Variants in LMBR1 observed in about 807,000 individuals in gnomAD.
LMBR1 encodes the protein limb development membrane protein 1.
A neutral mutation model predicts 73.9 loss-of-function variants in LMBR1; 52 were observed. The ratio of observed to expected loss-of-function variants is 0.70; its 90% CI spans 0.56 to 0.89. The LOEUF is 0.89. Among genes scored for constraint, LMBR1 ranks in the 40% least tolerant of loss-of-function variants. LMBR1 has a pLI of 0.00. For synonymous variants in LMBR1, 215 were observed against 209.4 expected (o/e 1.03, Z -0.23); for missense variants, 539 against 579.8 (o/e 0.93, Z 0.72).
At chr7:156,698,697 A>G (rs1434187582) in intron 15 of LMBR1, among the ~76,000 whole-genome samples, 1 of 152,048 alleles carries the variant, frequency 6.6e-6, no homozygotes, top group Non-Finnish European at 1.5e-5. Context: ...CAGCAGAGGG[A>G]CCCTGGGTCC....
chr7:156,684,060 A>G lies in LMBR1; in HGVS notation c.*18T>C, dbSNP rs779726746. 1 of 1,601,694 alleles carries G rather than the reference A, an allele frequency of 6.2e-7. No homozygotes were observed. The highest frequency in any genetic ancestry group is 8.6e-7 in the Non-Finnish European group (1 of 1,169,556). ...AGTTCTCGGGTCTCTTGGTGGCAGA[A>G]GACGCCGTCTGTGCGTCTCACAGTG... On this transcript the variant is annotated 3_prime_UTR_variant, in exon 17 of 17. Transcript: ENST00000353442.
At chr7:156,714,559 A>C (rs1406099737) in intron 15 of LMBR1, among the ~76,000 whole-genome samples, 3 of 152,206 alleles carry the variant, frequency 2.0e-5, no homozygotes, top group East Asian at 3.8e-4. Flanking sequence ...CGTATGTGTT[A>C]CCTTAAGGAA....
intron 1 of LMBR1, among the ~76,000 whole-genome samples, chr7:156,866,193 T>C (rs1304532009): frequency 6.6e-6 from 1 of 152,176 alleles, no homozygotes; most frequent in Admixed American, 6.5e-5. Context: ...AGGGGTCTTA[T>C]GTCTAGATTA....
At chr7:156,769,549 T>C (rs10255029) in intron 5 of LMBR1, among the ~76,000 whole-genome samples, 16,162 of 152,224 alleles carry the variant, frequency 0.11, 910 homozygotes, top group East Asian at 0.15. Context: ...TCCAATCTCA[T>C]TGCCAAAACT....
chr7:156,859,433 A>T (rs1797429540), intron 1 of LMBR1, among the ~76,000 whole-genome samples: 1 of 152,212 alleles, frequency 6.6e-6, no homozygotes, highest in African/African-American at 2.4e-5. Flanking sequence ...CTCTGATGAC[A>T]TGATTGTTTA....
intron 4 of LMBR1, among the ~76,000 whole-genome samples, chr7:156,805,859 C>T (rs1423333459): frequency 6.6e-6 from 1 of 152,130 alleles, no homozygotes; most frequent in African/African-American, 2.4e-5. Flanking sequence ...AGAGGGCAAT[C>T]CTCATGATGG....
intron 3 of LMBR1, among the ~76,000 whole-genome samples, chr7:156,833,175 T>C (rs763975109): frequency 6.6e-6 from 1 of 152,234 alleles, no homozygotes; most frequent in Non-Finnish European, 1.5e-5. Context: ...AGAATTTTAA[T>C]GTATCAATAA....
chr7:156,883,895 A>G (rs894356768), intron 1 of LMBR1, among the ~76,000 whole-genome samples: 1 of 152,134 alleles, frequency 6.6e-6, no homozygotes, highest in Admixed American at 6.6e-5. Context: ...ACATACTCAC[A>G]TCTGCAAAAT....
chr7:156,716,783 G>C lies in LMBR1; in HGVS notation c.1225+7329C>G, dbSNP rs569759173. 2.6e-5 allele frequency among the ~76,000 whole-genome samples: 4 copies of C among 152,256 alleles called. No homozygotes were observed. The East Asian group carries it at 7.7e-4, about 29-fold the overall frequency. The stretch of plus-strand genomic sequence containing the variant: ...GCTCTCTGCTTTTTATGCTATACAA[G>C]TCTGACTCTTCTCACTTTTAAAAAG... On this transcript the variant is annotated intron_variant, in intron 15 of 16. Coordinates refer to ENST00000353442, the MANE Select transcript of LMBR1 (RefSeq NM_022458.4).
intron 16 of LMBR1, among the ~76,000 whole-genome samples, chr7:156,687,588 G>T (rs1189622693): frequency 6.6e-6 from 1 of 152,020 alleles, no homozygotes; most frequent in African/African-American, 2.4e-5. Flanking sequence ...TTTATTCTCT[G>T]GCTTAATGAA....
At chr7:156,735,842 A>C (rs564750912) in intron 9 of LMBR1, among the ~76,000 whole-genome samples, 34 of 152,060 alleles carry the variant, frequency 2.2e-4, no homozygotes, top group Non-Finnish European at 2.9e-5. Flanking sequence ...TCTCTTATCC[A>C]GCTGAATCTT....
chr7:156,726,303 C>T (rs146578408), intron 12 of LMBR1, among the ~76,000 whole-genome samples: 3 of 152,182 alleles, frequency 2.0e-5, no homozygotes, highest in Admixed American at 2.0e-4. Flanking sequence ...ATGTGCATAT[C>T]CTGTTCCCAT....
At chr7:156,844,318 C>T (rs1229259704) in intron 1 of LMBR1, among the ~76,000 whole-genome samples, 3 of 151,778 alleles carry the variant, frequency 2.0e-5, no homozygotes, top group South Asian at 2.1e-4. Flanking sequence ...AACAAGACTC[C>T]GTCTCACACA....
At chr7:156,874,472 G>T (rs886264239) in intron 1 of LMBR1, among the ~76,000 whole-genome samples, 1 of 152,214 alleles carries the variant, frequency 6.6e-6, no homozygotes, top group African/African-American at 2.4e-5. Context: ...GGGGCCGAAG[G>T]GCTCCTCAAA....
chr7:156,846,941 A>G (rs889433606), intron 1 of LMBR1, among the ~76,000 whole-genome samples: 1 of 152,182 alleles, frequency 6.6e-6, no homozygotes, highest in African/African-American at 2.4e-5. Flanking sequence ...GAAACATCAC[A>G]CTATACCCCA....
At position 156,750,445 on chromosome 7, in the gene LMBR1, A is replaced by G. The variant is rs560434191; in HGVS notation, c.757+5948T>C. Among the ~76,000 whole-genome samples the G allele has an allele frequency of 4.6e-5, 7 of 152,258 alleles. No individual in the cohort carries two copies. In the South Asian group the frequency reaches 1.0e-3, roughly 23 times the overall value. On this transcript the variant is annotated intron_variant, in intron 9 of 16. Coordinates refer to ENST00000353442, the MANE Select transcript of LMBR1 (RefSeq NM_022458.4). ...TCTTGATTACTCATATTCCATGGCC[A>G]TAACAGTAAGGGGAAAACTGCCTTA...
chr7:156,881,419 G>A lies in LMBR1; in HGVS notation c.66+11509C>T, dbSNP rs187006701. Among the ~76,000 whole-genome samples, 223 of 152,228 alleles carry A rather than the reference G, an allele frequency of 1.5e-3. 1 individual carries two copies. The highest frequency in any genetic ancestry group is 4.5e-3 in the African/African-American group (186 of 41,550). ...CACCGAAGGAAGCCTTCACAACACCGGCCTTGGCAATGATTTCACGGATAT... is the reference window on the plus strand; with the variant it reads ...CACCGAAGGAAGCCTTCACAACACCAGCCTTGGCAATGATTTCACGGATAT... On this transcript the variant is annotated intron_variant, in intron 1 of 16. Transcript: ENST00000353442.
At chr7:156,676,901 A>G, downstream of LMBR1, 1 of 453,368 alleles carries the variant, frequency 2.2e-6, no homozygotes, top group Non-Finnish European at 4.0e-6. Context: ...ATAGCAAAAA[A>G]TGAGAGCTTG....
At chr7:156,750,220 C>T (rs993219723) in intron 9 of LMBR1, among the ~76,000 whole-genome samples, 2 of 152,142 alleles carry the variant, frequency 1.3e-5, no homozygotes, top group Non-Finnish European at 2.9e-5. Flanking sequence ...TATACACACA[C>T]AAAAGCTGAT....
Sources: gnomAD v4.1 joint callset for allele counts (sites outside exome capture counted in the v4.1 genomes callset) on GRCh38, gnomAD v4.1.1 for gene constraint, MANE v1.5 for transcripts, NCBI Gene and HGNC (gene_info 2026-07-23, HGNC 2026-07-21) for gene names.